RUNDC3B: variants seen among roughly 807,000 people sequenced by gnomAD.
The protein encoded by RUNDC3B is RUN domain containing 3B.
RUNDC3B carries 33 observed loss-of-function variants against 58.4 expected under a neutral mutation model. That is an observed-to-expected ratio of 0.56 (90% CI 0.43 to 0.75). The LOEUF (loss-of-function observed/expected upper bound fraction) is 0.75. RUNDC3B is among the 30% of genes least tolerant of loss of function. RUNDC3B has a pLI of 0.00. For missense variants in RUNDC3B, 501 were observed against 535.7 expected (o/e 0.94, Z 0.64); for synonymous variants, 193 against 195.2 (o/e 0.99, Z 0.10).
At chr7:87,763,168 C>T (rs1448182558) in intron 6 of RUNDC3B, among the ~76,000 whole-genome samples, 2 of 151,564 alleles carry the variant, frequency 1.3e-5, no homozygotes, top group Non-Finnish European at 3.0e-5. Flanking sequence ...AATGTCTTTA[C>T]CACCCATCCA....
intron 2 of RUNDC3B, among the ~76,000 whole-genome samples, chr7:87,679,863 C>T (rs1387357081): frequency 8.0e-5 from 12 of 150,498 alleles, no homozygotes; most frequent in Non-Finnish European, 1.5e-5. Context: ...TGGAATGAAA[C>T]TAGATGTCAA....
intron 9 of RUNDC3B, among the ~76,000 whole-genome samples, chr7:87,811,659 A>G (rs969388668): frequency 5.3e-5 from 8 of 151,982 alleles, no homozygotes; most frequent in African/African-American, 1.4e-4. Flanking sequence ...TTAATTTTTT[A>G]TAATGACTTT....
chr7:87,696,873 G>A (rs546555962), intron 2 of RUNDC3B, among the ~76,000 whole-genome samples: 257 of 152,258 alleles, frequency 1.7e-3, no homozygotes, highest in Middle Eastern at 6.8e-3. Context: ...TGTGGATAGT[G>A]TGCCCTACCT....
chr7:87,760,161 A>G (rs1485128960), intron 6 of RUNDC3B, among the ~76,000 whole-genome samples: 1 of 151,780 alleles, frequency 6.6e-6, no homozygotes, highest in East Asian at 1.9e-4. Flanking sequence ...ATGCCCACAC[A>G]TACCTAGTTC....
intron 10 of RUNDC3B, among the ~76,000 whole-genome samples, chr7:87,817,142 T>C (rs1030803301): frequency 6.6e-6 from 1 of 152,222 alleles, no homozygotes; most frequent in Non-Finnish European, 1.5e-5. Context: ...GCAGTAAATA[T>C]TGGCACTATA....
chr7:87,708,943 C>T (rs996370668), intron 3 of RUNDC3B, among the ~76,000 whole-genome samples: 1 of 152,076 alleles, frequency 6.6e-6, no homozygotes, highest in Non-Finnish European at 1.5e-5. Flanking sequence ...TTTCATAAAC[C>T]TTCATTTTAT....
intron 10 of RUNDC3B, among the ~76,000 whole-genome samples, chr7:87,829,092 A>G (rs1372141805): frequency 6.6e-6 from 1 of 152,098 alleles, no homozygotes; most frequent in African/African-American, 2.4e-5. Flanking sequence ...GCATATATTC[A>G]TGATTGTTGA....
At chr7:87,727,773 T>C (rs1485719203) in intron 4 of RUNDC3B, among the ~76,000 whole-genome samples, 3 of 152,196 alleles carry the variant, frequency 2.0e-5, no homozygotes, top group African/African-American at 7.2e-5. Flanking sequence ...CTTAAAAGAA[T>C]ATGACACTGT....
Position 87,738,429 on chromosome 7 carries a change from G to A in RUNDC3B, c.459-1362G>A, listed in dbSNP as rs551030091. Among the ~76,000 whole-genome samples, 7 of 151,928 alleles carry A rather than the reference G, an allele frequency of 4.6e-5. No homozygotes were observed. In the South Asian group the frequency reaches 1.5e-3, roughly 32 times the overall value. ...TAAATCAGTAAAAGCAATTTCAGTA[G>A]GTCCAAGAAAATAAAAAACATTTAT... On this transcript the variant is annotated intron_variant, in intron 4 of 10. Coordinates refer to ENST00000394654, the MANE Select transcript of RUNDC3B (RefSeq NM_001134405.2).
intron 9 of RUNDC3B, among the ~76,000 whole-genome samples, chr7:87,814,048 C>T (rs1202437178): frequency 1.3e-5 from 2 of 149,696 alleles, no homozygotes; most frequent in East Asian, 1.9e-4. Context: ...ATATAGTTTA[C>T]ATGATCTGTC....
At chr7:87,724,050 C>T (rs924343891) in intron 4 of RUNDC3B, among the ~76,000 whole-genome samples, 1 of 152,014 alleles carries the variant, frequency 6.6e-6, no homozygotes, top group Non-Finnish European at 1.5e-5. Context: ...AGTGGGATCC[C>T]ATCTGTAAAA....
At chr7:87,725,419 C>A (rs1344871578) in intron 4 of RUNDC3B, among the ~76,000 whole-genome samples, 2 of 152,224 alleles carry the variant, frequency 1.3e-5, no homozygotes, top group Non-Finnish European at 2.9e-5. Flanking sequence ...AGGACATGAA[C>A]TCATCCTTTT....
At chr7:87,802,645 C>T (rs1299253320) in intron 8 of RUNDC3B, among the ~76,000 whole-genome samples, 1 of 152,176 alleles carries the variant, frequency 6.6e-6, no homozygotes, top group Non-Finnish European at 1.5e-5. Flanking sequence ...TTATTACATG[C>T]CTCTGTCAAA....
At chr7:87,673,021 A>C (rs1825987716) in intron 2 of RUNDC3B, among the ~76,000 whole-genome samples, 1 of 152,172 alleles carries the variant, frequency 6.6e-6, no homozygotes, top group Admixed American at 6.5e-5. Flanking sequence ...TTCCTTTTCT[A>C]TAAGAATGCT....
intron 6 of RUNDC3B, among the ~76,000 whole-genome samples, chr7:87,748,211 T>C (rs1441009200): frequency 6.6e-6 from 1 of 152,180 alleles, no homozygotes; most frequent in African/African-American, 2.4e-5. Flanking sequence ...ACTCAGCTCC[T>C]GGTAGAGTCA....
chr7:87,783,988 CATCTTGTATAGT>C (rs1835078676), intron 8 of RUNDC3B, among the ~76,000 whole-genome samples: 1 of 151,840 alleles, frequency 6.6e-6, no homozygotes, highest in African/African-American at 2.4e-5. Context: ...TGGGGGTGGT[CATCTTGTATAGT>C]ATCTCATAGA....
intron 5 of RUNDC3B, among the ~76,000 whole-genome samples, chr7:87,741,045 A>C (rs564517718): frequency 3.1e-4 from 47 of 152,192 alleles, no homozygotes; most frequent in South Asian, 1.5e-3. Context: ...TCTCTACTAA[A>C]AATACAAAAA....
intron 8 of RUNDC3B, among the ~76,000 whole-genome samples, chr7:87,793,074 C>T (rs527322846): frequency 7.2e-5 from 11 of 152,102 alleles, no homozygotes; most frequent in African/African-American, 2.4e-4. Flanking sequence ...AACAACTCTA[C>T]GTCAATAAAT....
intron 4 of RUNDC3B, among the ~76,000 whole-genome samples, chr7:87,712,173 A>G (rs897329779): frequency 2.0e-5 from 3 of 152,272 alleles, no homozygotes; most frequent in African/African-American, 7.2e-5. Context: ...CAGGATAGAA[A>G]GACTTTTGGC....
Sources: allele counts gnomAD v4.1 joint callset (sites outside exome capture counted in the v4.1 genomes callset), GRCh38; gene constraint gnomAD v4.1.1; transcripts MANE v1.5; gene names NCBI Gene and HGNC (gene_info 2026-07-23, HGNC 2026-07-21).